Variants in TSSK1B observed in about 807,000 individuals in gnomAD.
TSSK1B encodes the protein testis specific serine kinase 1B.
Under a neutral mutation model 4.0 loss-of-function variants are expected in TSSK1B, and 2 were observed. That is an observed-to-expected ratio of 0.50 (90% confidence interval 0.20 to 1.57). TSSK1B has a LOEUF of 1.57. TSSK1B is among the 40% of genes most tolerant of loss of function. The pLI is 0.22. For missense variants in TSSK1B, 488 were observed against 495.1 expected (o/e 0.99, Z 0.14); for synonymous variants, 198 against 200.7 (o/e 0.99, Z 0.11).
chr5:113,434,109 T>G lies in TSSK1B; in HGVS notation c.731A>C (p.Glu244Ala), dbSNP rs1333153247. 6.2e-7 allele frequency: 1 copy of G among 1,614,232 alleles called. No homozygotes were observed. The highest frequency in any genetic ancestry group is 1.7e-5 in the Admixed American group (1 of 60,034). The change falls in exon 1 of 1, where the codon GAG (glutamate) becomes GCG (alanine). Residue 244 changes from glutamate (E) to alanine (A), a missense_variant. Glu to Ala is a moderately radical substitution (Grantham distance 107). Transcript: ENST00000390666. The surrounding 1 kb of genome is among the most constrained non-coding windows in gnomAD (Gnocchi z 4.2). ...NFPRSKHLTG[E>A]CKDLIYHMLQ... ...CATGTGGTAGATGAGGTCCTTGCAC[T>G]CGCCTGTCAGGTGCTTGGAGCGTGG...
In TSSK1B at chr5:113,434,647, C is replaced by A; in HGVS notation, c.193G>T (p.Ala65Ser). The change falls in exon 1 of 1, where the codon GCC (alanine) becomes TCC (serine). Residue 65 changes from alanine (A) to serine (S), a missense_variant. By Grantham distance (99) the Ala-to-Ser change is moderately conservative. Transcript: ENST00000390666. This position sits in a 1 kb window ranked among gnomAD's most constrained non-coding sequence, Gnocchi z 4.2. ...KFLPREIEIL[A>S]MLNHCSIIKT... ...ATGATGGAGCAGTGGTTTAACATGGCCAGAATCTCAATTTCCCGGGGAAGG... is the reference window on the plus strand; with the variant it reads ...ATGATGGAGCAGTGGTTTAACATGGACAGAATCTCAATTTCCCGGGGAAGG... 6.2e-7 allele frequency: 1 copy of A among 1,613,904 alleles called. No individual in the cohort carries two copies. The highest frequency in any genetic ancestry group is 1.6e-4 in the Middle Eastern group (1 of 6,062).
Position 113,434,795 on chromosome 5 carries a change from C to T in TSSK1B, c.45G>A (p.Gly15=), listed in dbSNP as rs770098885. ...CATAGGAGCCCTCTCCTAAATTTAT[C>T]CCCAGGAGGTAGCCTCGTCGCTTGA... ...AVLKRRGYLL[G]INLGEGSYAK... The change falls in exon 1 of 1, where the codon GGG becomes GGA. Residue 15 remains glycine, a synonymous_variant. Coordinates refer to ENST00000390666, the MANE Select transcript of TSSK1B (RefSeq NM_032028.4). The surrounding 1 kb of genome is among the most constrained non-coding windows in gnomAD (Gnocchi z 4.2). 3.1e-6 allele frequency: 5 copies of T among 1,613,046 alleles called. No homozygotes were observed. The highest frequency in any genetic ancestry group is 4.2e-6 in the Non-Finnish European group (5 of 1,179,196).
In TSSK1B at chr5:113,433,345, T is replaced by G; in HGVS notation, c.*391A>C. Reference sequence around the variant, plus strand: ...TGGCCTCCCAGCAGGGTCACGCAACTGCCCCGGGGACGATGAAAGGAGGAT... The same window carrying G: ...TGGCCTCCCAGCAGGGTCACGCAACGGCCCCGGGGACGATGAAAGGAGGAT... On this transcript the variant is annotated 3_prime_UTR_variant, in exon 1 of 1. Coordinates refer to ENST00000390666, the MANE Select transcript of TSSK1B (RefSeq NM_032028.4). 1 of 358,236 alleles carries G rather than the reference T, an allele frequency of 2.8e-6. No individual in the cohort carries two copies. The highest frequency in any genetic ancestry group is 2.4e-5 in the South Asian group (1 of 41,168). The allele number at this position is 358,236 out of a possible 1,614,324, so 22.2% of individuals were successfully genotyped here.
Position 113,432,797 on chromosome 5 carries a change from T to C in TSSK1B, c.*939A>G, listed in dbSNP as rs1406760982. 1.3e-5 allele frequency: 2 copies of C among 152,226 alleles called. No homozygotes were observed. The highest frequency in any genetic ancestry group is 2.4e-5 in the African/African-American group (1 of 41,462). 9.4% of individuals were successfully genotyped at this position (152,226 alleles called of 1,614,324 possible). On this transcript the variant is annotated 3_prime_UTR_variant, in exon 1 of 1. Coordinates refer to ENST00000390666, the MANE Select transcript of TSSK1B (RefSeq NM_032028.4). ...TAAAACATTTTCCTTTGTAAAATTT[T>C]CTTCTGGGGGTGCTGGGGAGTAAAT...
In TSSK1B at chr5:113,433,786, C is replaced by T; in HGVS notation, c.1054G>A (p.Glu352Lys). ...TGTTGGGGGGGCCCTTCCTCTGTCTCCATAGTCGACGGCTTGCTGGGGAAA... is the reference window on the plus strand; with the variant it reads ...TGTTGGGGGGGCCCTTCCTCTGTCTTCATAGTCGACGGCTTGCTGGGGAAA... ...LGFPSKPSTM[E>K]TEEGPPQQPP... The change falls in exon 1 of 1, where the codon GAG (glutamate) becomes AAG (lysine). Residue 352 changes from glutamate (E) to lysine (K), a missense_variant. Physicochemically the swap from Glu to Lys is moderately conservative, Grantham distance 56. Transcript: ENST00000390666. The T allele has an allele frequency of 1.2e-6, 2 of 1,613,946 alleles. No homozygotes were observed. Among genetic ancestry groups the T allele is most frequent in the Non-Finnish European group, 8.5e-7 (1 of 1,179,886 alleles).
Position 113,434,982 on chromosome 5 carries a change from T to G in TSSK1B, c.-143A>C. 1 of 994,264 alleles carries G rather than the reference T, an allele frequency of 1.0e-6. No homozygotes were observed. The highest frequency in any genetic ancestry group is 2.6e-5 in the East Asian group (1 of 38,564). The allele number at this position is 994,264 out of a possible 1,614,324, so 61.6% of individuals were successfully genotyped here. A position where few individuals can be genotyped will look rare whatever the true frequency, so the allele number is the denominator to read the frequency against. ...GTTCCTGCCTCCTAGAGGCCAAGAC[T>G]CTGGAGTGGAACATTTGGCACTGTC... On this transcript the variant is annotated 5_prime_UTR_variant, in exon 1 of 1. Coordinates refer to ENST00000390666, the MANE Select transcript of TSSK1B (RefSeq NM_032028.4). This position sits in a 1 kb window ranked among gnomAD's most constrained non-coding sequence, Gnocchi z 4.2.
In TSSK1B at chr5:113,433,839, T is replaced by G; in HGVS notation, c.1001A>C (p.Gln334Pro). 1.2e-6 allele frequency: 2 copies of G among 1,614,016 alleles called. No individual in the cohort carries two copies. The highest frequency in any genetic ancestry group is 1.7e-6 in the Non-Finnish European group (2 of 1,179,888). The change falls in exon 1 of 1, where the codon CAA becomes CCA. Residue 334 changes from glutamine to proline, a missense_variant. Gln to Pro is a moderately conservative substitution (Grantham distance 76). Transcript: ENST00000390666. ...PETKPEGTAM[Q>P]MSRQSEILGF... ...CAGGATCTCCGACTGCCTGGACATTTGCATTGCTGTCCCCTCGGGTTTTGT... is the reference window on the plus strand; with the variant it reads ...CAGGATCTCCGACTGCCTGGACATTGGCATTGCTGTCCCCTCGGGTTTTGT...
At position 113,434,188 on chromosome 5, in the gene TSSK1B, C is replaced by T; in HGVS notation, c.652G>A (p.Asp218Asn). The T allele has an allele frequency of 1.9e-6, 3 of 1,614,058 alleles. No individual in the cohort carries two copies. Among genetic ancestry groups the T allele is most frequent in the Non-Finnish European group, 2.5e-6 (3 of 1,179,980 alleles). ...CGCAGCATCTTCTTGATGTTGGAGTCGTCGTAGGGCATGGAGCCGCAGACC... is the reference window on the plus strand; with the variant it reads ...CGCAGCATCTTCTTGATGTTGGAGTTGTCGTAGGGCATGGAGCCGCAGACC... ...IMVCGSMPYD[D>N]SNIKKMLRIQ... The change falls in exon 1 of 1, where the codon GAC becomes AAC. Residue 218 changes from aspartate (D) to asparagine (N), a missense_variant. By Grantham distance (23) the Asp-to-Asn change is conservative. Coordinates refer to ENST00000390666, the MANE Select transcript of TSSK1B (RefSeq NM_032028.4). This position sits in a 1 kb window ranked among gnomAD's most constrained non-coding sequence, Gnocchi z 4.2.
chr5:113,434,366 G>A lies in TSSK1B; in HGVS notation c.474C>T (p.Ser158=), dbSNP rs756149487. Residue 158 remains serine (S), a synonymous_variant, in exon 1 of 1, where the codon TCC becomes TCT. Coordinates refer to ENST00000390666, the MANE Select transcript of TSSK1B (RefSeq NM_032028.4). The surrounding 1 kb of genome is among the most constrained non-coding windows in gnomAD (Gnocchi z 4.2). The part of the protein sequence containing the change: ...FNIKLSDFSF[S]KRCLRDDSGR... Reference sequence around the variant, plus strand: ...CACTGTCATCCCGCAGGCAGCGCTTGGAGAAGCTGAAGTCGGACAGCTTGA... The same window carrying A: ...CACTGTCATCCCGCAGGCAGCGCTTAGAGAAGCTGAAGTCGGACAGCTTGA... The A allele has an allele frequency of 1.1e-5, 17 of 1,613,830 alleles. No individual in the cohort carries two copies. In the East Asian group the frequency reaches 2.9e-4, roughly 28 times the overall value.
chr5:113,434,755 C>T lies in TSSK1B; in HGVS notation c.85G>A (p.Ala29Thr). Residue 29 changes from alanine (A) to threonine (T), a missense_variant, in exon 1 of 1, where the codon GCT becomes ACT. Coordinates refer to ENST00000390666, the MANE Select transcript of TSSK1B (RefSeq NM_032028.4). This position sits in a 1 kb window ranked among gnomAD's most constrained non-coding sequence, Gnocchi z 4.2. ...GEGSYAKVKSAYSERLKFNVA... is the reference protein window; with the variant it reads ...GEGSYAKVKSTYSERLKFNVA... ...TTGAACTTCAGGCGCTCAGAGTAAG[C>T]AGATTTTACTTTTGCATAGGAGCCC... 2 of 1,614,054 alleles carry T rather than the reference C, an allele frequency of 1.2e-6. No homozygotes were observed. The highest frequency in any genetic ancestry group is 1.3e-5 in the African/African-American group (1 of 75,026).
rs1464743569 is a variant in TSSK1B, at chr5:113,434,505, T to A, written c.335A>T (p.Glu112Val). The A allele has an allele frequency of 6.2e-7, 1 of 1,613,046 alleles. No homozygotes were observed. Among genetic ancestry groups the A allele is most frequent in the Non-Finnish European group, 8.5e-7 (1 of 1,179,208 alleles). The change falls in exon 1 of 1, where the codon GAA becomes GTA. Residue 112 changes from glutamate to valine, a missense_variant. By Grantham distance (121) the Glu-to-Val change is moderately radical. Coordinates refer to ENST00000390666, the MANE Select transcript of TSSK1B (RefSeq NM_032028.4). The surrounding 1 kb of genome is among the most constrained non-coding windows in gnomAD (Gnocchi z 4.2). ...AAGCTGGTGGAACTTCTTGCGAGCT[T>A]CGTCCTCATGCAGGGCTCCCCGGGT... Reference protein sequence around the residue: ...IKTRGALHEDEARKKFHQLSL... With the variant: ...IKTRGALHEDVARKKFHQLSL...
Position 113,433,608 on chromosome 5 carries a change from G to T in TSSK1B, c.*128C>A. On this transcript the variant is annotated 3_prime_UTR_variant, in exon 1 of 1. Coordinates refer to ENST00000390666, the MANE Select transcript of TSSK1B (RefSeq NM_032028.4). ...ATGTGGGTTACCAAGTTCAAGGGGA[G>T]AGAGAAGAAGCTGATGAAAATAGAG... The T allele has an allele frequency of 1.7e-6, 2 of 1,205,962 alleles. No individual in the cohort carries two copies. The highest frequency in any genetic ancestry group is 1.1e-6 in the Non-Finnish European group (1 of 877,390). The allele number at this position is 1,205,962 out of a possible 1,614,324, so 74.7% of individuals were successfully genotyped here. A position where few individuals can be genotyped will look rare whatever the true frequency, so the allele number is the denominator to read the frequency against.
In TSSK1B at chr5:113,434,779, C is replaced by T; in HGVS notation, c.61G>A (p.Gly21Ser). Reference protein sequence around the residue: ...GYLLGINLGEGSYAKVKSAYS... With the variant: ...GYLLGINLGESSYAKVKSAYS... ...GCAGATTTTACTTTTGCATAGGAGCCCTCTCCTAAATTTATCCCCAGGAGG... is the reference window on the plus strand; with the variant it reads ...GCAGATTTTACTTTTGCATAGGAGCTCTCTCCTAAATTTATCCCCAGGAGG... The change falls in exon 1 of 1, where the codon GGC becomes AGC. Residue 21 changes from glycine (G) to serine (S), a missense_variant. Coordinates refer to ENST00000390666, the MANE Select transcript of TSSK1B (RefSeq NM_032028.4). This position sits in a 1 kb window ranked among gnomAD's most constrained non-coding sequence, Gnocchi z 4.2. 4 of 1,613,882 alleles carry T rather than the reference C, an allele frequency of 2.5e-6. No individual in the cohort carries two copies. Among genetic ancestry groups the T allele is most frequent in the Non-Finnish European group, 3.4e-6 (4 of 1,179,856 alleles).
In TSSK1B at chr5:113,434,420, G is replaced by A; in HGVS notation, c.420C>T (p.Asp140=). The A allele has an allele frequency of 9.3e-6, 15 of 1,613,992 alleles. No homozygotes were observed. The highest frequency in any genetic ancestry group is 1.3e-5 in the Non-Finnish European group (15 of 1,180,020). The change falls in exon 1 of 1, where the codon GAC becomes GAT. Residue 140 remains aspartate (D), a synonymous_variant. Coordinates refer to ENST00000390666, the MANE Select transcript of TSSK1B (RefSeq NM_032028.4). This position sits in a 1 kb window ranked among gnomAD's most constrained non-coding sequence, Gnocchi z 4.2. ...LDVVHRDLKC[D]NLLLDKDFNI... ...TGAAGTCCTTGTCAAGGAGAAGGTT[G>A]TCACACTTGAGGTCCCGGTGGACGA... is the stretch of plus-strand genomic sequence containing the variant.
Position 113,433,420 on chromosome 5 carries a change from C to A in TSSK1B, c.*316G>T. The A allele has an allele frequency of 1.7e-6, 1 of 584,358 alleles. No homozygotes were observed. Among genetic ancestry groups the A allele is most frequent in the South Asian group, 1.7e-5 (1 of 57,966 alleles). The allele number at this position is 584,358 out of a possible 1,614,324, so 36.2% of individuals were successfully genotyped here. A position where few individuals can be genotyped will look rare whatever the true frequency, so the allele number is the denominator to read the frequency against. The stretch of plus-strand genomic sequence containing the variant: ...GTGCCTTCCTGCTGCTCTTCCTGCT[C>A]TTGCTGTCACTGAGCCGTTGCGGCC... On this transcript the variant is annotated 3_prime_UTR_variant, in exon 1 of 1. Transcript: ENST00000390666.
chr5:113,434,133 G>A lies in TSSK1B; in HGVS notation c.707C>T (p.Pro236Leu), dbSNP rs1275705891. The change falls in exon 1 of 1, where the codon CCA becomes CTA. Residue 236 changes from proline to leucine, a missense_variant. Transcript: ENST00000390666. This position sits in a 1 kb window ranked among gnomAD's most constrained non-coding sequence, Gnocchi z 4.2. ...CTCGCCTGTCAGGTGCTTGGAGCGT[G>A]GGAAGTTGACGCGGTGCTCCTTCTG... ...RIQKEHRVNF[P>L]RSKHLTGECK... The A allele has an allele frequency of 6.2e-7, 1 of 1,614,068 alleles. No individual in the cohort carries two copies. Among genetic ancestry groups the A allele is most frequent in the African/African-American group, 1.3e-5 (1 of 74,936 alleles).
chr5:113,434,110 C>A lies in TSSK1B; in HGVS notation c.730G>T (p.Glu244Ter). The change falls in exon 1 of 1, where the codon GAG (glutamate) becomes TAG (stop). Residue 244 changes from glutamate to a stop codon, truncating the protein, a stop_gained. Coordinates refer to ENST00000390666, the MANE Select transcript of TSSK1B (RefSeq NM_032028.4). LOFTEE classifies it low-confidence loss of function (END_TRUNC). This position sits in a 1 kb window ranked among gnomAD's most constrained non-coding sequence, Gnocchi z 4.2. Reference protein sequence around the residue: ...NFPRSKHLTGECKDLIYHMLQ... With the variant: ...NFPRSKHLTG ...ATGTGGTAGATGAGGTCCTTGCACT[C>A]GCCTGTCAGGTGCTTGGAGCGTGGG... 2 of 1,614,168 alleles carry A rather than the reference C, an allele frequency of 1.2e-6. No individual in the cohort carries two copies. Among genetic ancestry groups the A allele is most frequent in the Non-Finnish European group, 1.7e-6 (2 of 1,180,030 alleles).
chr5:113,433,837 T>C lies in TSSK1B; in HGVS notation c.1003A>G (p.Met335Val). ...ETKPEGTAMQ[M>V]SRQSEILGFP... ...CCCAGGATCTCCGACTGCCTGGACA[T>C]TTGCATTGCTGTCCCCTCGGGTTTT... The change falls in exon 1 of 1, where the codon ATG becomes GTG. Residue 335 changes from methionine to valine, a missense_variant. Coordinates refer to ENST00000390666, the MANE Select transcript of TSSK1B (RefSeq NM_032028.4). The C allele has an allele frequency of 1.2e-6, 2 of 1,614,004 alleles. No individual in the cohort carries two copies. Among genetic ancestry groups the C allele is most frequent in the Non-Finnish European group, 1.7e-6 (2 of 1,179,888 alleles).
rs1274438809 is a variant in TSSK1B, at chr5:113,432,671, C to T, written c.*1065G>A. The T allele has an allele frequency of 6.6e-6, 1 of 152,174 alleles. No homozygotes were observed. The highest frequency in any genetic ancestry group is 1.5e-5 in the Non-Finnish European group (1 of 68,032). 9.4% of individuals were successfully genotyped at this position (152,174 alleles called of 1,614,324 possible). ...GGTCTATAGAAATCAAAAGTTCATG[C>T]TTTTCACTATTGTTACATTGTTTCC... On this transcript the variant is annotated 3_prime_UTR_variant, in exon 1 of 1. Coordinates refer to ENST00000390666, the MANE Select transcript of TSSK1B (RefSeq NM_032028.4).
Sources: allele counts gnomAD v4.1 joint callset, GRCh38; gene constraint gnomAD v4.1.1; non-coding constraint Gnocchi (gnomAD v3.1); transcripts MANE v1.5; gene names NCBI Gene and HGNC (gene_info 2026-07-23, HGNC 2026-07-21).